The following ASAP1 variants were observed in gnomAD, a reference collection of about 807,000 sequenced individuals.
ASAP1 encodes arf-GAP with SH3 domain, ANK repeat and PH domain-containing protein 1.
In ASAP1, 43 loss-of-function variants were observed where a neutral mutation model predicts 145.2. That is an observed-to-expected ratio of 0.30 (90% CI 0.23 to 0.38). The LOEUF (loss-of-function observed/expected upper bound fraction) is 0.38, where lower values mean the gene tolerates loss of function less well. Ranked by LOEUF, ASAP1 falls within the 10% of genes least tolerant of loss-of-function variation. ASAP1 has a pLI of 1.00. For synonymous variants in ASAP1, 546 were observed against 515.5 expected (o/e 1.06, Z -0.80); for missense variants, 1,018 against 1,355.3 (o/e 0.75, Z 3.91).
rs2097521641 is a variant in ASAP1, at chr8:130,097,749, G to A, written c.2402-5606C>T. On this transcript the variant is annotated intron_variant, in intron 24 of 29. Coordinates refer to ENST00000518721, the MANE Select transcript of ASAP1 (RefSeq NM_018482.4). ...CAATTTAGTCTCTCAAAAAGTGGCA[G>A]CGATCTCCTGAGACTCTCTCCCAGG... Among the ~76,000 whole-genome samples the A allele has an allele frequency of 8.2e-5, 7 of 85,214 alleles. No homozygotes were observed. The South Asian group carries it at 3.6e-3, about 44-fold the overall frequency. The allele number at this position is 85,214 out of a possible 152,430, so 55.9% of individuals were successfully genotyped here. A position where few individuals can be genotyped will look rare whatever the true frequency, so the allele number is the denominator to read the frequency against.
intron 3 of ASAP1, among the ~76,000 whole-genome samples, chr8:130,277,640 G>A (rs1820993302): frequency 6.6e-6 from 1 of 152,184 alleles, no homozygotes; most frequent in African/African-American, 2.4e-5. Context: ...GAAGTCTAAA[G>A]AGTGGGAATA....
chr8:130,388,556 T>G (rs1436465732), intron 2 of ASAP1, among the ~76,000 whole-genome samples: 1 of 152,242 alleles, frequency 6.6e-6, no homozygotes, highest in African/African-American at 2.4e-5. Flanking sequence ...TTTGCATGTC[T>G]GTATAATTTG....
chr8:130,358,009 C>A lies in ASAP1; in HGVS notation c.186+8G>T. 1 of 1,601,870 alleles carries A rather than the reference C, an allele frequency of 6.2e-7. No homozygotes were observed. The highest frequency in any genetic ancestry group is 2.2e-5 in the East Asian group (1 of 44,486). Reference sequence around the variant, plus strand: ...AGCGTGGACGGCGGGGGTCCCGGCCCGACCTACCTCCTCCAGCAGCGTGAC... The same window carrying A: ...AGCGTGGACGGCGGGGGTCCCGGCCAGACCTACCTCCTCCAGCAGCGTGAC... On this transcript the variant is annotated splice_region_variant and intron_variant, in intron 3 of 29. Transcript: ENST00000518721. The surrounding 1 kb of genome is among the most constrained non-coding windows in gnomAD (Gnocchi z 4.1).
intron 3 of ASAP1, among the ~76,000 whole-genome samples, chr8:130,281,451 A>AT (rs1265894991): frequency 6.6e-6 from 1 of 152,124 alleles, no homozygotes; most frequent in African/African-American, 2.4e-5. Flanking sequence ...TTGGTCCTTG[A>AT]TTTTTTTAAT....
intron 5 of ASAP1, among the ~76,000 whole-genome samples, chr8:130,213,477 A>T (rs1816708610): frequency 6.6e-6 from 1 of 152,196 alleles, no homozygotes; most frequent in African/African-American, 2.4e-5. Context: ...TATCTAATGG[A>T]TTATGACAAA....
intron 27 of ASAP1, among the ~76,000 whole-genome samples, chr8:130,072,824 T>TGTGTGTGTGCGCGCGCGCGCGCGC: frequency 1.2e-4 from 4 of 32,312 alleles, no homozygotes; most frequent in Admixed American, 3.6e-4. Flanking sequence ...TGTGTGTGTG[T>TGTGTGTGTGCGCGCGCGCGCGCGC]GCGCGCGGGG....
intron 4 of ASAP1, among the ~76,000 whole-genome samples, chr8:130,225,748 T>C (rs1350416541): frequency 1.3e-5 from 2 of 152,196 alleles, no homozygotes; most frequent in Admixed American, 6.5e-5. Flanking sequence ...CAGCATACCA[T>C]ACAGGCACCA....
rs147766325 is a variant in ASAP1 at position 130,253,652 on chromosome 8, T to C, written c.187-16658A>G. Among the ~76,000 whole-genome samples, 194 of 152,312 alleles carry C rather than the reference T, an allele frequency of 1.3e-3. 2 individuals carry two copies. The South Asian group carries it at 0.025, about 19-fold the overall frequency. ...GCCATTTTTATTTTGTATAATTATATGGCATTAGAACAGAAAATAGGTATG... is the reference window on the plus strand; with the variant it reads ...GCCATTTTTATTTTGTATAATTATACGGCATTAGAACAGAAAATAGGTATG... On this transcript the variant is annotated intron_variant, in intron 3 of 29. Transcript: ENST00000518721.
rs1438706899 is a variant in ASAP1 at position 130,215,485 on chromosome 8, T to C, written c.260-784A>G. On this transcript the variant is annotated intron_variant, in intron 4 of 29. Coordinates refer to ENST00000518721, the MANE Select transcript of ASAP1 (RefSeq NM_018482.4). ...AGGGCCGGGAGCGGTGGCTCACGCC[T>C]ATAATCCCAGCACTTTGGGAGGCCA... Among the ~76,000 whole-genome samples the C allele has an allele frequency of 3.9e-5, 6 of 151,986 alleles. No individual in the cohort carries two copies. In the East Asian group the frequency reaches 9.9e-4, roughly 25 times the overall value.
intron 3 of ASAP1, among the ~76,000 whole-genome samples, chr8:130,255,937 A>G (rs1225513917): frequency 6.6e-6 from 1 of 152,134 alleles, no homozygotes. Context: ...CCTGCTCCCA[A>G]CACCCACTCC....
Position 130,072,791 on chromosome 8 carries a change from A to ATGTGTGTGTGTGTGTGTG in ASAP1, c.2701+3556_2701+3557insCACACACACACACACACA, listed in dbSNP as rs1491261390. On this transcript the variant is annotated intron_variant, in intron 27 of 29. Coordinates refer to ENST00000518721, the MANE Select transcript of ASAP1 (RefSeq NM_018482.4). ...TTCTGAAGGCCTGGACTTGCAATTG[A>ATGTGTGTGTGTGTGTGTG]TATGTGTGTGTGTGTGTGTGTGTGT... Among the ~76,000 whole-genome samples, 433 of 91,176 alleles carry ATGTGTGTGTGTGTGTGTG rather than the reference A, an allele frequency of 4.7e-3. 28 individuals carry two copies. Among genetic ancestry groups the ATGTGTGTGTGTGTGTGTG allele is most frequent in the African/African-American group, 0.015 (365 of 24,710 alleles). 59.8% of individuals were successfully genotyped at this position (91,176 alleles called of 152,430 possible).
At chr8:130,356,621 C>G (rs1296583324) in intron 3 of ASAP1, among the ~76,000 whole-genome samples, 1 of 152,170 alleles carries the variant, frequency 6.6e-6, no homozygotes, top group Non-Finnish European at 1.5e-5. Flanking sequence ...CCATTCACTT[C>G]ACAATTCAGT....
intron 13 of ASAP1, among the ~76,000 whole-genome samples, chr8:130,139,767 A>AC (rs2097605287): frequency 6.6e-6 from 1 of 151,914 alleles, no homozygotes; most frequent in African/African-American, 2.4e-5. Flanking sequence ...AACAAAAAAA[A>AC]AAAGAAAAAG....
intron 3 of ASAP1, among the ~76,000 whole-genome samples, chr8:130,333,338 A>C (rs1824817842): frequency 6.6e-6 from 1 of 152,060 alleles, no homozygotes; most frequent in Admixed American, 6.5e-5. Flanking sequence ...GCGGTGGCTC[A>C]CGCCTGTCAT....
intron 1 of ASAP1, among the ~76,000 whole-genome samples, chr8:130,420,462 T>C (rs753185044): frequency 1.9e-4 from 29 of 152,042 alleles, no homozygotes; most frequent in Non-Finnish European, 3.7e-4. Context: ...AATAAATACT[T>C]GTAAATGAAT....
chr8:130,319,374 G>C (rs549203142), intron 3 of ASAP1, among the ~76,000 whole-genome samples: 2 of 152,204 alleles, frequency 1.3e-5, no homozygotes, highest in Admixed American at 1.3e-4. Context: ...ACAGACTGTC[G>C]TATTAGTGAA....
intron 24 of ASAP1, among the ~76,000 whole-genome samples, chr8:130,096,508 C>T (rs1448339721): frequency 6.6e-6 from 1 of 152,196 alleles, no homozygotes; most frequent in East Asian, 1.9e-4. Flanking sequence ...ACCTCACTTG[C>T]CACTAATATT....
chr8:130,361,995 A>C (rs1410706382), intron 2 of ASAP1, among the ~76,000 whole-genome samples: 2 of 152,164 alleles, frequency 1.3e-5, no homozygotes, highest in Non-Finnish European at 2.9e-5. Flanking sequence ...TCTTACTCTG[A>C]GCACTGCTGA....
At chr8:130,408,305 TA>T (rs1337124699) in intron 1 of ASAP1, among the ~76,000 whole-genome samples, 2 of 152,220 alleles carry the variant, frequency 1.3e-5, no homozygotes, top group East Asian at 3.8e-4. Flanking sequence ...GGAGACTGAG[TA>T]AGGAAGAGTA....
Sources: allele counts gnomAD v4.1 joint callset (sites outside exome capture counted in the v4.1 genomes callset), GRCh38; gene constraint gnomAD v4.1.1; non-coding constraint Gnocchi (gnomAD v3.1); transcripts MANE v1.5; gene names NCBI Gene and HGNC (gene_info 2026-07-23, HGNC 2026-07-21).